Variants in EYS observed in about 807,000 individuals in gnomAD.
The protein encoded by EYS is EGF-like photoreceptor maintenance factor, also known as protein eyes shut homolog.
In EYS, 250 loss-of-function variants were observed where a neutral mutation model predicts 282.1. That is an observed-to-expected ratio of 0.89 (90% confidence interval 0.80 to 0.98). The LOEUF is 0.98. EYS is among the 50% of genes least tolerant of loss of function. The probability of loss-of-function intolerance (pLI) is 0.00; values close to 1 mark genes in which losing one functional copy is unlikely to be tolerated. For synonymous variants in EYS, 1,355 were observed against 1,282.9 expected (o/e 1.06, Z -1.20); for missense variants, 4,016 against 3,709.0 (o/e 1.08, Z -2.15).
chr6:65,597,841 C>T (rs768996280), intron 2 of EYS, among the ~76,000 whole-genome samples: 8 of 152,062 alleles, frequency 5.3e-5, no homozygotes, highest in Non-Finnish European at 1.5e-5. Flanking sequence ...TGGCTCACAC[C>T]TGTAATCCCA....
chr6:65,285,197 A>G (rs1768327489), intron 12 of EYS, among the ~76,000 whole-genome samples: 1 of 151,912 alleles, frequency 6.6e-6, no homozygotes, highest in South Asian at 2.1e-4. Context: ...AATTTGTGTT[A>G]TTTTCTGCTA....
chr6:64,130,648 TC>T (rs1177467346), intron 31 of EYS, among the ~76,000 whole-genome samples: 4 of 151,010 alleles, frequency 2.6e-5, no homozygotes, highest in African/African-American at 9.8e-5. Flanking sequence ...AGTTTTCAGA[TC>T]CCTAGCAGTA....
intron 30 of EYS, among the ~76,000 whole-genome samples, chr6:64,231,154 G>A (rs1766416006): frequency 6.6e-6 from 1 of 152,112 alleles, no homozygotes; most frequent in Non-Finnish European, 1.5e-5. Context: ...ATTAGGTCAT[G>A]TTACATCTTC....
intron 29 of EYS, among the ~76,000 whole-genome samples, chr6:64,370,053 AT>A (rs1772312764): frequency 1.3e-5 from 2 of 151,900 alleles, no homozygotes; most frequent in African/African-American, 4.8e-5. Context: ...TTGGCTAGGA[AT>A]TCCAGTACTA....
chr6:64,266,221 A>G (rs1392070428), intron 30 of EYS, among the ~76,000 whole-genome samples: 1 of 152,122 alleles, frequency 6.6e-6, no homozygotes, highest in East Asian at 1.9e-4. Flanking sequence ...GACACTAAAT[A>G]CTCAATTAAT....
At chr6:63,727,725 A>ATATAT (rs1172717557) in intron 41 of EYS, among the ~76,000 whole-genome samples, 5 of 62,688 alleles carry the variant, frequency 8.0e-5, no homozygotes, top group African/African-American at 6.2e-4. Context: ...AAAAAAAAAA[A>ATATAT]AAAAAAAAAA....
rs148962608 is a variant in EYS, at chr6:64,609,106, T to C, written c.3684+8312A>G. Among the ~76,000 whole-genome samples, 169 of 152,292 alleles carry C rather than the reference T, an allele frequency of 1.1e-3. 2 individuals carry two copies. The highest frequency in any genetic ancestry group is 3.9e-3 in the African/African-American group (161 of 41,568). On this transcript the variant is annotated intron_variant, in intron 24 of 42. Transcript: ENST00000503581. Reference sequence around the variant, plus strand: ...TGATTGTAACAAATGTACCACTCTGTCATGGGATGTTGATAGTGAGGGAGC... The same window carrying C: ...TGATTGTAACAAATGTACCACTCTGCCATGGGATGTTGATAGTGAGGGAGC...
chr6:64,439,067 G>C (rs1774847995), intron 27 of EYS, 95 bp downstream of exon 27: 1 of 668,640 alleles, frequency 1.5e-6, no homozygotes, highest in South Asian at 2.7e-5. Flanking sequence ...AATATATAGA[G>C]TTAAGTTTAA....
intron 22 of EYS, among the ~76,000 whole-genome samples, chr6:64,743,408 C>A (rs1408305577): frequency 6.6e-6 from 1 of 152,014 alleles, no homozygotes; most frequent in African/African-American, 2.4e-5. Context: ...CTATATTTGG[C>A]AAACTTCCAT....
At chr6:64,454,433 G>C (rs1337515) in intron 26 of EYS, among the ~76,000 whole-genome samples, 42,150 of 151,948 alleles carry the variant, frequency 0.28, 5,984 homozygotes, top group East Asian at 0.46. Flanking sequence ...TGCATAAAAA[G>C]TCATTAGAAA....
chr6:64,534,117 C>T (rs1005750242), intron 26 of EYS, among the ~76,000 whole-genome samples: 2 of 151,548 alleles, frequency 1.3e-5, no homozygotes, highest in Admixed American at 6.6e-5. Flanking sequence ...TGTCAAAAAT[C>T]ATCAAACCTA....
chr6:64,530,160 T>C (rs935720037), intron 26 of EYS, among the ~76,000 whole-genome samples: 1 of 152,158 alleles, frequency 6.6e-6, no homozygotes, highest in East Asian at 1.9e-4. Flanking sequence ...GCTGCTTCAG[T>C]ATAATTATCT....
intron 11 of EYS, among the ~76,000 whole-genome samples, chr6:65,329,078 T>A (rs1769704208): frequency 6.6e-6 from 1 of 151,358 alleles, no homozygotes; most frequent in South Asian, 2.1e-4. Context: ...GCTTAGGTAG[T>A]ATAAAACTAT....
intron 2 of EYS, among the ~76,000 whole-genome samples, chr6:65,634,064 A>T (rs1016541034): frequency 6.6e-6 from 1 of 152,218 alleles, no homozygotes. Flanking sequence ...TTTTAAAATA[A>T]ACAGACTTGA....
At chr6:64,582,896 G>A (rs1381345735) in intron 26 of EYS, among the ~76,000 whole-genome samples, 1 of 152,126 alleles carries the variant, frequency 6.6e-6, no homozygotes, top group Non-Finnish European at 1.5e-5. Context: ...AAAATGCCAG[G>A]ATTTTACTTC....
intron 36 of EYS, among the ~76,000 whole-genome samples, chr6:63,841,833 C>T (rs1771968478): frequency 1.3e-5 from 2 of 152,290 alleles, no homozygotes; most frequent in Admixed American, 6.5e-5. Flanking sequence ...TTGTTCAACT[C>T]CCACTTATGA....
At chr6:64,682,557 T>G (rs1304920941) in intron 22 of EYS, among the ~76,000 whole-genome samples, 1 of 152,002 alleles carries the variant, frequency 6.6e-6, no homozygotes, top group Non-Finnish European at 1.5e-5. Flanking sequence ...CCAGGGGCAG[T>G]TCATCAGAAA....
chr6:64,639,900 G>C (rs1226611385), intron 22 of EYS, among the ~76,000 whole-genome samples: 2 of 124,918 alleles, frequency 1.6e-5, no homozygotes, highest in Non-Finnish European at 3.4e-5. Flanking sequence ...CAAAAAGTGG[G>C]CAAAGGATAT....
At chr6:63,894,512 C>T (rs1420775098) in intron 35 of EYS, among the ~76,000 whole-genome samples, 2 of 152,062 alleles carry the variant, frequency 1.3e-5, no homozygotes, top group African/African-American at 4.8e-5. Flanking sequence ...GCTCTGGCAA[C>T]ACCTTTTGAT....
Sources: allele counts gnomAD v4.1 joint callset (sites outside exome capture counted in the v4.1 genomes callset), GRCh38; gene constraint gnomAD v4.1.1; transcripts MANE v1.5; gene names NCBI Gene and HGNC (gene_info 2026-07-23, HGNC 2026-07-21).